The following DMKN variants were observed in gnomAD, a reference collection of about 807,000 sequenced individuals.
The protein encoded by DMKN is epidermis-specific secreted protein SK30/SK89.
DMKN carries 58 observed loss-of-function variants against 67.6 expected under a neutral mutation model. The ratio of observed to expected loss-of-function variants is 0.86; its 90% CI spans 0.69 to 1.07. The LOEUF is 1.07. Ranked by LOEUF, DMKN falls within the 50% of genes least tolerant of loss-of-function variation. The pLI, the probability that DMKN is intolerant of heterozygous loss-of-function variation, is 0.00. For synonymous variants in DMKN, 240 were observed against 232.3 expected (o/e 1.03, Z -0.30); for missense variants, 596 against 601.5 (o/e 0.99, Z 0.10).
intron 5 of DMKN, chr19:35,510,596 C>G: frequency 1.4e-6 from 2 of 1,474,040 alleles, no homozygotes; most frequent in Non-Finnish European, 9.0e-7. Flanking sequence ...GAGCCCTCAC[C>G]TGGGAGCGGC....
intron 9 of DMKN, among the ~76,000 whole-genome samples, chr19:35,505,197 C>T (rs980119581): frequency 6.6e-5 from 10 of 152,172 alleles, no homozygotes; most frequent in Admixed American, 6.5e-5. Context: ...AGCAGCCTGG[C>T]CAGGGGTTCC....
Position 35,502,777 on chromosome 19 carries a change from G to A in DMKN, c.1191+53C>T, listed in dbSNP as rs115235751. 1,494 of 1,598,522 alleles carry A rather than the reference G, an allele frequency of 9.3e-4. 5 individuals are homozygous for A. In the African/African-American group the frequency reaches 0.018, roughly 20 times the overall value. On this transcript the variant is annotated intron_variant, in intron 10 of 15. Transcript: ENST00000339686. ...GTGGCTGCCTTGAGGGAGGCTTGGG[G>A]AGAGTCAGGAGGGCCAGGCCCCCAG...
chr19:35,509,977 A>G lies in DMKN; in HGVS notation c.988-16T>C, dbSNP rs746756524. 8 of 1,613,868 alleles carry G rather than the reference A, an allele frequency of 5.0e-6. No homozygotes were observed. Among genetic ancestry groups the G allele is most frequent in the Non-Finnish European group, 6.8e-6 (8 of 1,179,924 alleles). Reference sequence around the variant, plus strand: ...GCTTTTCACACTGCCGGGGAGAGAAAGGGGAGACTTTCCCTCAGTCCCCTC... The same window carrying G: ...GCTTTTCACACTGCCGGGGAGAGAAGGGGGAGACTTTCCCTCAGTCCCCTC... On this transcript the variant is annotated splice_polypyrimidine_tract_variant and intron_variant, in intron 6 of 15. Transcript: ENST00000339686.
intron 11 of DMKN, 26 bp downstream of exon 11, chr19:35,502,110 G>A (rs2068500582): frequency 1.2e-6 from 2 of 1,613,998 alleles, no homozygotes; most frequent in African/African-American, 1.3e-5. Flanking sequence ...CTGTGTCCCA[G>A]AGCTGAGAAG....
chr19:35,500,338 G>C, intron 12 of DMKN, 195 bp downstream of exon 12: 3 of 1,546,126 alleles, frequency 1.9e-6, no homozygotes, highest in Non-Finnish European at 2.6e-6. Context: ...GAAAAGAAGT[G>C]CCAGGACGTA....
chr19:35,506,054 G>A (rs780593429), intron 7 of DMKN, 68 bp from the exon 8 acceptor site: 6 of 1,612,782 alleles, frequency 3.7e-6, no homozygotes, highest in Non-Finnish European at 5.1e-6. Flanking sequence ...GGAGATCTGA[G>A]TGGCAGGAGG....
rs1388604449 is a variant in DMKN at position 35,512,795 on chromosome 19, A to C, written c.427-5T>G. On this transcript the variant is annotated splice_polypyrimidine_tract_variant and splice_region_variant and intron_variant, in intron 1 of 15. Transcript: ENST00000339686. ...GCCATGGCCTCCAGAAGTTTCCTGCAAGAACAACATACCTGCACTTAGTGG... is the reference window on the plus strand; with the variant it reads ...GCCATGGCCTCCAGAAGTTTCCTGCCAGAACAACATACCTGCACTTAGTGG... The C allele has an allele frequency of 6.2e-7, 1 of 1,612,042 alleles. No individual in the cohort carries two copies. Among genetic ancestry groups the C allele is most frequent in the Non-Finnish European group, 8.5e-7 (1 of 1,179,742 alleles).
intron 11 of DMKN, among the ~76,000 whole-genome samples, chr19:35,501,575 G>A (rs991812218): frequency 2.0e-5 from 3 of 152,114 alleles, no homozygotes; most frequent in Non-Finnish European, 4.4e-5. Flanking sequence ...CAGTGCCCAC[G>A]GGTCCTGTTT....
At chr19:35,509,754 A>C in intron 7 of DMKN, 157 bp downstream of exon 7, 1 of 787,466 alleles carries the variant, frequency 1.3e-6, no homozygotes, top group Non-Finnish European at 2.1e-6. Context: ...GGAAATCGTT[A>C]GCATTTTTAG....
rs1568637394 is a variant in DMKN, at chr19:35,511,490, C to CTG, written c.838_839insCA (p.Gly280AlafsTer98). Reference sequence around the variant, plus strand: ...GCCACCACTGCTGCCGCCACTGCTGCCGCCACTGCTGCTGCCACTGCTGCT... The same window carrying CTG: ...GCCACCACTGCTGCCGCCACTGCTGCTGCGCCACTGCTGCTGCCACTGCTGCT... On this transcript the variant is annotated frameshift_variant, in exon 5 of 16. Transcript: ENST00000339686. LOFTEE classifies it high-confidence loss of function. The CTG allele has an allele frequency of 5.5e-5, 60 of 1,088,804 alleles. No homozygotes were observed. In the African/African-American group the frequency reaches 7.5e-4, roughly 14 times the overall value. The allele number at this position is 1,088,804 out of a possible 1,614,324, so 67.4% of individuals were successfully genotyped here.
At chr19:35,505,407 A>G (rs1438529771) in intron 9 of DMKN, among the ~76,000 whole-genome samples, 1 of 152,012 alleles carries the variant, frequency 6.6e-6, no homozygotes. Context: ...CTAGGAGTCA[A>G]TCTACTCTCC....
chr19:35,502,715 AG>A, intron 10 of DMKN, 114 bp downstream of exon 10: 5 of 985,276 alleles, frequency 5.1e-6, no homozygotes, highest in Middle Eastern at 6.1e-4. Flanking sequence ...AAAAAAAAAA[AG>A]GGGGGGAGTT....
Position 35,513,519 on chromosome 19 carries a change from A to G in DMKN, c.-44T>C. The G allele has an allele frequency of 2.6e-6, 4 of 1,559,976 alleles. No homozygotes were observed. The highest frequency in any genetic ancestry group is 1.4e-5 in the African/African-American group (1 of 73,632). On this transcript the variant is annotated 5_prime_UTR_variant, in exon 1 of 16. Transcript: ENST00000339686. ...CTCTCCAGAGTGTCTTCCTCCCACC[A>G]GGGTCTCCTCCTTGCCGCCCTTGCT...
intron 9 of DMKN, among the ~76,000 whole-genome samples, chr19:35,504,134 CCCT>C (rs1457262183): frequency 6.6e-6 from 1 of 152,130 alleles, no homozygotes; most frequent in African/African-American, 2.4e-5. Flanking sequence ...TGCGATCACT[CCCT>C]CGACTGCCGC....
Position 35,512,807 on chromosome 19 carries a change from C to T in DMKN, c.427-17G>A, listed in dbSNP as rs775519120. 6.2e-7 allele frequency: 1 copy of T among 1,609,790 alleles called. No individual in the cohort carries two copies. Among genetic ancestry groups the T allele is most frequent in the Non-Finnish European group, 8.5e-7 (1 of 1,178,956 alleles). On this transcript the variant is annotated splice_polypyrimidine_tract_variant and intron_variant, in intron 1 of 15. Coordinates refer to ENST00000339686, the MANE Select transcript of DMKN (RefSeq NM_033317.5). ...AGAAGTTTCCTGCAAGAACAACATA[C>T]CTGCACTTAGTGGGACCATCTCTGA...
At chr19:35,502,749 A>AAAC in intron 10 of DMKN, 81 bp downstream of exon 10, 1 of 1,442,394 alleles carries the variant, frequency 6.9e-7, no homozygotes, top group Non-Finnish European at 9.7e-7. Flanking sequence ...GTTGGAGCAG[A>AAAC]GGGTGGCTGC....
intron 7 of DMKN, 117 bp downstream of exon 7, chr19:35,509,794 G>T: frequency 1.6e-6 from 2 of 1,227,906 alleles, no homozygotes; most frequent in Non-Finnish European, 2.3e-6. Flanking sequence ...TGCCGAAATA[G>T]TCAGTTCCCT....
chr19:35,499,084 T>G, intron 13 of DMKN, 187 bp from the exon 14 acceptor site: 4 of 758,486 alleles, frequency 5.3e-6, no homozygotes. Context: ...TCATCCTGAG[T>G]GCACTTGATC....
intron 2 of DMKN, 52 bp from the exon 3 acceptor site, chr19:35,512,529 G>A (rs778632326): frequency 2.5e-5 from 40 of 1,613,920 alleles, no homozygotes; most frequent in African/African-American, 6.7e-5. Flanking sequence ...AGGGAGGCAC[G>A]CGGAGCATGT....
Sources: allele counts gnomAD v4.1 joint callset (sites outside exome capture counted in the v4.1 genomes callset), GRCh38; gene constraint gnomAD v4.1.1; transcripts MANE v1.5; gene names NCBI Gene and HGNC (gene_info 2026-07-23, HGNC 2026-07-21).